The following KCNIP4 variants were observed in gnomAD, a reference collection of about 807,000 sequenced individuals.
The protein encoded by KCNIP4 is Kv channel-interacting protein 4.
Under a neutral mutation model 34.0 loss-of-function variants are expected in KCNIP4, and 12 were observed. The ratio of observed to expected loss-of-function variants is 0.35; its 90% CI spans 0.23 to 0.57. KCNIP4 has a LOEUF of 0.57. Ranked by LOEUF, KCNIP4 falls within the 20% of genes least tolerant of loss-of-function variation. The pLI is 0.83. For synonymous variants in KCNIP4, 124 were observed against 102.2 expected, an observed-to-expected ratio of 1.21 and a Z score of -1.29; for missense variants, 238 against 311.7, an observed-to-expected ratio of 0.76 and a Z score of 1.78.
At chr4:21,113,713 TTTTCCACAATGTGGAATA>T (rs1749455103) in intron 1 of KCNIP4, among the ~76,000 whole-genome samples, 3 of 152,308 alleles carry the variant, frequency 2.0e-5, no homozygotes, top group South Asian at 4.1e-4. Flanking sequence ...TAGATGAGGA[TTTTCCACAATGTGGAATA>T]TTTGAACAGA....
At chr4:21,947,872 C>T (rs1730592825) in intron 1 of KCNIP4, among the ~76,000 whole-genome samples, 1 of 152,228 alleles carries the variant, frequency 6.6e-6, no homozygotes, top group Non-Finnish European at 1.5e-5. Context: ...TCTCCTATTT[C>T]TCTATGGATC....
At chr4:21,623,310 G>C (rs900318240) in intron 1 of KCNIP4, among the ~76,000 whole-genome samples, 2 of 152,070 alleles carry the variant, frequency 1.3e-5, no homozygotes, top group Non-Finnish European at 2.9e-5. Context: ...CTACTTGCTA[G>C]AAAAATTACT....
At chr4:21,270,183 A>G (rs2109131293) in intron 1 of KCNIP4, among the ~76,000 whole-genome samples, 1 of 152,310 alleles carries the variant, frequency 6.6e-6, no homozygotes, top group African/African-American at 2.4e-5. Flanking sequence ...ATGGTTCCCA[A>G]CCATTTCTAG....
intron 1 of KCNIP4, among the ~76,000 whole-genome samples, chr4:21,942,131 TAAAAGG>T (rs1475882955): frequency 1.3e-5 from 2 of 152,150 alleles, no homozygotes; most frequent in African/African-American, 4.8e-5. Flanking sequence ...AAATCTGATA[TAAAAGG>T]AAATGCACCT....
At position 20,732,665 on chromosome 4, in the gene KCNIP4, C is replaced by G. The variant is rs1180812487; in HGVS notation, c.642+16G>C. ...TCCTAACTTCATGCCCTCTTGACTT[C>G]TGTTTTAATTCCTACCTGAAAAAAT... On this transcript the variant is annotated intron_variant, in intron 7 of 8. Transcript: ENST00000382152. The G allele has an allele frequency of 1.3e-6, 2 of 1,550,524 alleles. No homozygotes were observed. Among genetic ancestry groups the G allele is most frequent in the East Asian group, 4.5e-5 (2 of 44,488 alleles).
At chr4:21,259,738 T>C (rs1055111043) in intron 1 of KCNIP4, among the ~76,000 whole-genome samples, 1 of 152,122 alleles carries the variant, frequency 6.6e-6, no homozygotes, top group South Asian at 2.1e-4. Flanking sequence ...TTTTTCCATA[T>C]TTTAGCCTCA....
intron 6 of KCNIP4, among the ~76,000 whole-genome samples, chr4:20,733,449 T>C (rs908673131): frequency 1.1e-4 from 16 of 152,312 alleles, no homozygotes; most frequent in Admixed American, 5.9e-4. Context: ...TTGTTGCACA[T>C]TTGTTTCACG....
chr4:20,819,134 A>G (rs1716787069), intron 3 of KCNIP4, among the ~76,000 whole-genome samples: 1 of 152,012 alleles, frequency 6.6e-6, no homozygotes, highest in Admixed American at 6.6e-5. Context: ...TGCTGGGATT[A>G]CAGGCGTGAG....
chr4:21,260,745 G>A (rs1577980336), intron 1 of KCNIP4, among the ~76,000 whole-genome samples: 1 of 152,198 alleles, frequency 6.6e-6, no homozygotes, highest in South Asian at 2.1e-4. Flanking sequence ...CACTGATGAT[G>A]TAGGTAAGTG....
intron 1 of KCNIP4, among the ~76,000 whole-genome samples, chr4:21,410,530 C>T (rs1390610085): frequency 6.6e-6 from 1 of 152,164 alleles, no homozygotes; most frequent in East Asian, 1.9e-4. Context: ...GAACGGAGGC[C>T]GCCTGCTGGA....
chr4:21,075,908 G>T (rs1394189154), intron 1 of KCNIP4, among the ~76,000 whole-genome samples: 1 of 152,084 alleles, frequency 6.6e-6, no homozygotes, highest in African/African-American at 2.4e-5. Flanking sequence ...AGCTTAGTTT[G>T]GCTGGATATG....
chr4:20,938,249 C>T (rs971734041), intron 1 of KCNIP4, among the ~76,000 whole-genome samples: 3 of 149,338 alleles, frequency 2.0e-5, no homozygotes, highest in Non-Finnish European at 4.4e-5. Context: ...AAGGTTGGTG[C>T]AGAATCAGGA....
chr4:21,060,538 C>T (rs563309501), intron 1 of KCNIP4, among the ~76,000 whole-genome samples: 1 of 152,278 alleles, frequency 6.6e-6, no homozygotes, highest in African/African-American at 2.4e-5. Context: ...CCTGTGCTTC[C>T]TTTTCAAGTG....
chr4:21,586,166 A>C (rs941133899), intron 1 of KCNIP4, among the ~76,000 whole-genome samples: 1 of 152,098 alleles, frequency 6.6e-6, no homozygotes, highest in Non-Finnish European at 1.5e-5. Flanking sequence ...AACTTGACCT[A>C]TTCTAGTATC....
chr4:21,053,920 A>T (rs1044726952), intron 1 of KCNIP4, among the ~76,000 whole-genome samples: 5 of 152,250 alleles, frequency 3.3e-5, no homozygotes, highest in Admixed American at 2.0e-4. Context: ...AATATTGTCA[A>T]GATGTAAGTT....
At chr4:21,825,618 C>G (rs974601134) in intron 1 of KCNIP4, among the ~76,000 whole-genome samples, 3 of 152,082 alleles carry the variant, frequency 2.0e-5, no homozygotes, top group African/African-American at 7.2e-5. Context: ...TCAAGGGCTA[C>G]AAAATATTGT....
chr4:21,218,918 T>C (rs966562877), intron 1 of KCNIP4, among the ~76,000 whole-genome samples: 3 of 152,126 alleles, frequency 2.0e-5, no homozygotes, highest in Non-Finnish European at 4.4e-5. Flanking sequence ...ATACCCAAAT[T>C]GGGAGTTCAA....
At chr4:21,034,894 G>A (rs997941714) in intron 1 of KCNIP4, among the ~76,000 whole-genome samples, 7 of 152,164 alleles carry the variant, frequency 4.6e-5, no homozygotes, top group African/African-American at 1.7e-4. Flanking sequence ...TACATTGCTG[G>A]ACAGCTGTCC....
intron 1 of KCNIP4, among the ~76,000 whole-genome samples, chr4:21,254,829 A>T (rs1342392905): frequency 6.6e-6 from 1 of 151,942 alleles, no homozygotes; most frequent in African/African-American, 2.4e-5. Context: ...TAAACCCTTT[A>T]CTCTTTCACA....
Sources: allele counts gnomAD v4.1 joint callset (sites outside exome capture counted in the v4.1 genomes callset), GRCh38; gene constraint gnomAD v4.1.1; transcripts MANE v1.5; gene names NCBI Gene and HGNC (gene_info 2026-07-23, HGNC 2026-07-21).